NRXN3: variants seen among roughly 807,000 people sequenced by gnomAD.
NRXN3 encodes neurexin III.
A neutral mutation model predicts 137.6 loss-of-function variants in NRXN3; 32 were observed. The observed-to-expected ratio is 0.23, with a 90% CI of 0.18 to 0.31. The LOEUF is 0.31. NRXN3 is among the 10% of genes least tolerant of loss of function. NRXN3 has a pLI of 1.00. For missense variants in NRXN3, 1,574 were observed against 2,062.5 expected (o/e 0.76, Z 4.59); for synonymous variants, 798 against 784.5 (o/e 1.02, Z -0.29).
chr14:78,479,287 A>C (rs1380397292), intron 4 of NRXN3, among the ~76,000 whole-genome samples: 1 of 152,186 alleles, frequency 6.6e-6, no homozygotes, highest in Admixed American at 6.5e-5. Context: ...ATGTTCTGCA[A>C]AGTTGAGAAC....
chr14:79,648,971 A>G (rs1449567308), intron 16 of NRXN3, among the ~76,000 whole-genome samples: 2 of 152,192 alleles, frequency 1.3e-5, no homozygotes, highest in Non-Finnish European at 2.9e-5. Flanking sequence ...AAGTCAATAC[A>G]AAGTAGAGTG....
At chr14:79,793,525 T>C (rs1350378553) in intron 19 of NRXN3, among the ~76,000 whole-genome samples, 1 of 152,244 alleles carries the variant, frequency 6.6e-6, no homozygotes, top group East Asian at 1.9e-4. Flanking sequence ...TTTGAGTTTC[T>C]GAAACCATGT....
At chr14:79,149,736 C>G (rs894667137) in intron 15 of NRXN3, among the ~76,000 whole-genome samples, 1 of 152,024 alleles carries the variant, frequency 6.6e-6, no homozygotes, top group East Asian at 1.9e-4. Context: ...AGCCATTATC[C>G]TCAGCAAACC....
chr14:79,585,671 G>A (rs1456011324), intron 16 of NRXN3, among the ~76,000 whole-genome samples: 12 of 124,600 alleles, frequency 9.6e-5, no homozygotes, highest in South Asian at 2.7e-4. Flanking sequence ...GCGACAGAGC[G>A]AGACTCCATC....
At chr14:78,377,932 G>A (rs1213140082) in intron 4 of NRXN3, among the ~76,000 whole-genome samples, 2 of 152,126 alleles carry the variant, frequency 1.3e-5, no homozygotes, top group African/African-American at 2.4e-5. Flanking sequence ...GGAACTAATT[G>A]ACATATATAG....
chr14:79,292,030 G>A (rs1354877410), intron 15 of NRXN3, among the ~76,000 whole-genome samples: 1 of 152,120 alleles, frequency 6.6e-6, no homozygotes, highest in East Asian at 1.9e-4. Flanking sequence ...CAGAAACTGA[G>A]CCCCAGAGGG....
intron 15 of NRXN3, among the ~76,000 whole-genome samples, chr14:79,376,206 GTGTGTATGTATATATATA>G (rs1272809565): frequency 1.9e-5 from 1 of 53,884 alleles, no homozygotes; most frequent in African/African-American, 8.0e-5. Context: ...GTGTGTGTGT[GTGTGTATGTATATATATA>G]TATATATATA....
At chr14:79,104,571 A>G (rs1325093684) in intron 15 of NRXN3, among the ~76,000 whole-genome samples, 1 of 152,186 alleles carries the variant, frequency 6.6e-6, no homozygotes, top group African/African-American at 2.4e-5. Context: ...TCTGTGGAAA[A>G]TACAAGAGGA....
chr14:78,348,081 C>T (rs1017317927), intron 4 of NRXN3, among the ~76,000 whole-genome samples: 1 of 152,056 alleles, frequency 6.6e-6, no homozygotes. Flanking sequence ...AAAAACGTGT[C>T]GGAAGTCAGT....
intron 19 of NRXN3, among the ~76,000 whole-genome samples, chr14:79,766,410 C>T (rs149785844): frequency 1.2e-4 from 18 of 152,240 alleles, no homozygotes; most frequent in South Asian, 2.1e-4. Flanking sequence ...CCCTAATAGA[C>T]GCTTATTTCT....
intron 4 of NRXN3, among the ~76,000 whole-genome samples, chr14:78,589,983 A>G (rs1483567251): frequency 3.3e-5 from 5 of 152,220 alleles, no homozygotes; most frequent in Non-Finnish European, 1.5e-5. Context: ...AAAACAAACA[A>G]ACAAACAAAC....
chr14:78,744,815 GT>G (rs1266900113), intron 8 of NRXN3: 1 of 152,220 alleles, frequency 6.6e-6, no homozygotes, highest in Admixed American at 6.5e-5. Flanking sequence ...GATAACTGAA[GT>G]TTCAACTAGG....
In NRXN3 at chr14:79,618,598, T is replaced by C. The variant is rs2098188106; in HGVS notation, c.3445-45180T>C. 2.0e-5 allele frequency among the ~76,000 whole-genome samples: 3 copies of C among 152,146 alleles called. No individual in the cohort carries two copies. The South Asian group carries it at 6.2e-4, about 31-fold the overall frequency. On this transcript the variant is annotated intron_variant, in intron 16 of 20. Transcript: ENST00000335750. ...CATATTGTTTTTATCCAATCCACCA[T>C]TGATAGGCACCTAGGTTGATTCTAT...
At chr14:79,681,004 A>G (rs1032825280) in intron 17 of NRXN3, among the ~76,000 whole-genome samples, 3 of 152,156 alleles carry the variant, frequency 2.0e-5, no homozygotes, top group Non-Finnish European at 4.4e-5. Context: ...CACATGCATC[A>G]ACCTTTCTCC....
chr14:78,646,910 A>G (rs761933810), intron 5 of NRXN3, among the ~76,000 whole-genome samples: 3 of 152,234 alleles, frequency 2.0e-5, no homozygotes, highest in Non-Finnish European at 2.9e-5. Context: ...GGCTTGTTAC[A>G]TGAGAGCTGC....
Position 79,646,717 on chromosome 14 carries a change from G to A in NRXN3, c.3445-17061G>A, listed in dbSNP as rs894794279. On this transcript the variant is annotated intron_variant, in intron 16 of 20. Coordinates refer to ENST00000335750, the MANE Select transcript of NRXN3 (RefSeq NM_001330195.2). Reference sequence around the variant, plus strand: ...GAGGGTAGACTTGGGCTTCTGGTACGTTACAGAAGGCATGGTTTCTCCATC... The same window carrying A: ...GAGGGTAGACTTGGGCTTCTGGTACATTACAGAAGGCATGGTTTCTCCATC... 6.1e-5 allele frequency among the ~76,000 whole-genome samples: 8 copies of A among 131,208 alleles called. 1 individual carries two copies. The highest frequency in any genetic ancestry group is 2.0e-4 in the East Asian group (1 of 4,930). 86.1% of individuals were successfully genotyped at this position (131,208 alleles called of 152,430 possible).
chr14:79,227,483 A>G (rs2071151199), intron 15 of NRXN3, among the ~76,000 whole-genome samples: 1 of 152,146 alleles, frequency 6.6e-6, no homozygotes, highest in African/African-American at 2.4e-5. Context: ...CAACTTTTTA[A>G]GCTAACTCTA....
chr14:78,442,506 A>G (rs2094292339), intron 4 of NRXN3, among the ~76,000 whole-genome samples: 1 of 152,186 alleles, frequency 6.6e-6, no homozygotes, highest in South Asian at 2.1e-4. Context: ...GAACTGTAAG[A>G]CAATAAGTTT....
intron 10 of NRXN3, among the ~76,000 whole-genome samples, chr14:78,939,443 C>G (rs2152903149): frequency 6.6e-6 from 1 of 152,322 alleles, no homozygotes; most frequent in African/African-American, 2.4e-5. Context: ...TACCTTGGTT[C>G]CCTCTCTGCC....
Sources: gnomAD v4.1 joint callset for allele counts (sites outside exome capture counted in the v4.1 genomes callset) on GRCh38, gnomAD v4.1.1 for gene constraint, MANE v1.5 for transcripts, NCBI Gene and HGNC (gene_info 2026-07-23, HGNC 2026-07-21) for gene names.